HDAC4: variants seen among roughly 807,000 people sequenced by gnomAD.
HDAC4 encodes histone deacetylase 4.
Under a neutral mutation model 135.1 loss-of-function variants are expected in HDAC4, and 16 were observed. That is an observed-to-expected ratio of 0.12 (90% CI 0.08 to 0.18). The LOEUF is 0.18. Among genes scored for constraint, HDAC4 ranks in the 10% least tolerant of loss-of-function variants. HDAC4 has a pLI of 1.00. For missense variants in HDAC4, 1,143 were observed against 1,511.8 expected, an observed-to-expected ratio of 0.76 and a Z score of 4.05; for synonymous variants, 685 against 653.4, an observed-to-expected ratio of 1.05 and a Z score of -0.74.
At position 239,052,752 on chromosome 2, in the gene HDAC4, C is replaced by T; in HGVS notation, c.*345G>A. 2.7e-6 allele frequency: 1 copy of T among 377,074 alleles called. No homozygotes were observed. The allele number at this position is 377,074 out of a possible 1,614,324, so 23.4% of individuals were successfully genotyped here. The stretch of plus-strand genomic sequence containing the variant: ...ATTTGTTTTCTGTGCCTCGTGTCAA[C>T]TGAATTCGGCAGCTCGGCCGCCTGT... On this transcript the variant is annotated 3_prime_UTR_variant, in exon 27 of 27. Transcript: ENST00000543185.
chr2:239,374,245 T>C (rs148918332), intron 1 of HDAC4, among the ~76,000 whole-genome samples: 70 of 152,070 alleles, frequency 4.6e-4, no homozygotes, highest in African/African-American at 1.7e-3. Flanking sequence ...AATAAACCAG[T>C]AGCCAAAATG....
At chr2:239,105,803 G>A (rs149645187) in intron 15 of HDAC4, among the ~76,000 whole-genome samples, 84 of 152,220 alleles carry the variant, frequency 5.5e-4, no homozygotes, top group Non-Finnish European at 1.0e-3. Context: ...ACCATGCCCC[G>A]TACCCATGGC....
In HDAC4 at chr2:239,264,348, T is replaced by C. The variant is rs531564898; in HGVS notation, c.23-27684A>G. On this transcript the variant is annotated intron_variant, in intron 2 of 26. Coordinates refer to ENST00000543185, the MANE Select transcript of HDAC4 (RefSeq NM_001378414.1). ...TCCAAATGCAGCTCACATTTGTGAG[T>C]GTGGCAAAAGAGCGAAAGACCGTGG... is the stretch of plus-strand genomic sequence containing the variant. 3.9e-5 allele frequency among the ~76,000 whole-genome samples: 6 copies of C among 152,276 alleles called. No homozygotes were observed. The East Asian group carries it at 9.7e-4, about 25-fold the overall frequency.
chr2:239,144,821 C>T, intron 7 of HDAC4, 107 bp from the exon 8 acceptor site: 1 of 1,203,332 alleles, frequency 8.3e-7, no homozygotes, highest in Non-Finnish European at 1.2e-6. Flanking sequence ...AATATTTGCT[C>T]AACACTGCTG....
intron 3 of HDAC4, among the ~76,000 whole-genome samples, chr2:239,208,638 G>A (rs1439955126): frequency 6.6e-6 from 1 of 152,132 alleles, no homozygotes; most frequent in African/African-American, 2.4e-5. Flanking sequence ...CAAGGCTACA[G>A]ATACTGAGCT....
intron 1 of HDAC4, among the ~76,000 whole-genome samples, chr2:239,373,521 T>C (rs1328035992): frequency 6.6e-6 from 1 of 152,006 alleles, no homozygotes; most frequent in Admixed American, 6.6e-5. Context: ...CAGGCTGGAG[T>C]GCGGTGGTGT....
chr2:239,236,349 C>T (rs1404531549), intron 3 of HDAC4, among the ~76,000 whole-genome samples: 1 of 151,942 alleles, frequency 6.6e-6, no homozygotes, highest in East Asian at 1.9e-4. Context: ...CATCCTTTAG[C>T]ACCAGAGAGA....
chr2:239,266,180 G>A (rs77771484), intron 2 of HDAC4, among the ~76,000 whole-genome samples: 3,365 of 152,252 alleles, frequency 0.022, 121 homozygotes, highest in African/African-American at 0.077. Flanking sequence ...ATAGCCCCTC[G>A]CCGGCATCCC....
At chr2:239,137,130 A>G (rs1414722975) in intron 9 of HDAC4, among the ~76,000 whole-genome samples, 1 of 152,194 alleles carries the variant, frequency 6.6e-6, no homozygotes, top group African/African-American at 2.4e-5. Flanking sequence ...CCATTTCTGG[A>G]ACTAAAGGAG....
intron 2 of HDAC4, among the ~76,000 whole-genome samples, chr2:239,320,675 T>C (rs2053279064): frequency 6.6e-6 from 1 of 152,228 alleles, no homozygotes; most frequent in African/African-American, 2.4e-5. Context: ...TTTTTGAGTC[T>C]TTTTATGTGA....
intron 1 of HDAC4, among the ~76,000 whole-genome samples, chr2:239,365,795 C>A (rs10865082): frequency 0.42 from 62,125 of 148,104 alleles, 13,150 homozygotes; most frequent in East Asian, 0.71. Context: ...AGACCAGGGT[C>A]GTCAGGGTCA....
chr2:239,197,629 C>T (rs777704011), intron 3 of HDAC4, among the ~76,000 whole-genome samples: 31 of 152,166 alleles, frequency 2.0e-4, no homozygotes, highest in African/African-American at 7.0e-4. Flanking sequence ...TTGTCTTACA[C>T]GCTTCTTCAT....
At chr2:239,120,321 C>T (rs2039526325) in intron 12 of HDAC4, among the ~76,000 whole-genome samples, 1 of 151,904 alleles carries the variant, frequency 6.6e-6, no homozygotes, top group Non-Finnish European at 1.5e-5. Flanking sequence ...TGTCGGGAAG[C>T]AGGGAGGCCA....
At chr2:239,264,544 A>G (rs1199243411) in intron 2 of HDAC4, among the ~76,000 whole-genome samples, 1 of 152,212 alleles carries the variant, frequency 6.6e-6, no homozygotes, top group African/African-American at 2.4e-5. Flanking sequence ...CCAGAGGGAG[A>G]TGGCTTGGGT....
At chr2:239,191,973 CCTCT>C (rs1483800731) in intron 3 of HDAC4, among the ~76,000 whole-genome samples, 13 of 152,272 alleles carry the variant, frequency 8.5e-5, no homozygotes, top group Non-Finnish European at 1.9e-4. Flanking sequence ...ATGAAATCCT[CCTCT>C]CTGACTGTTT....
At chr2:239,258,735 T>C (rs2049184531) in intron 2 of HDAC4, among the ~76,000 whole-genome samples, 1 of 152,008 alleles carries the variant, frequency 6.6e-6, no homozygotes, top group Non-Finnish European at 1.5e-5. Flanking sequence ...TATTGACAAA[T>C]AATAAAGTAT....
At chr2:239,125,279 A>C (rs981709299) in intron 12 of HDAC4, among the ~76,000 whole-genome samples, 2 of 152,122 alleles carry the variant, frequency 1.3e-5, no homozygotes, top group African/African-American at 4.8e-5. Flanking sequence ...GGTTCTGGTG[A>C]GGTCTGGTCG....
intron 16 of HDAC4, among the ~76,000 whole-genome samples, chr2:239,102,402 T>A (rs2037749897): frequency 6.6e-6 from 1 of 152,228 alleles, no homozygotes; most frequent in Non-Finnish European, 1.5e-5. Context: ...GGACACTCCC[T>A]AGGCCTCCTC....
At chr2:239,066,062 G>T (rs1553603204) in intron 24 of HDAC4, among the ~76,000 whole-genome samples, 1 of 152,218 alleles carries the variant, frequency 6.6e-6, no homozygotes. Context: ...ACGCCTGGTG[G>T]AGGCCCTGCT....
Sources: gnomAD v4.1 joint callset for allele counts (sites outside exome capture counted in the v4.1 genomes callset) on GRCh38, gnomAD v4.1.1 for gene constraint, MANE v1.5 for transcripts, NCBI Gene and HGNC (gene_info 2026-07-23, HGNC 2026-07-21) for gene names.